Variants in DLGAP2 observed in about 807,000 individuals in gnomAD.
DLGAP2 encodes the protein disks large-associated protein 2.
In DLGAP2, 26 loss-of-function variants were observed where a neutral mutation model predicts 100.3. The ratio of observed to expected loss-of-function variants is 0.26; its 90% CI spans 0.19 to 0.36. The LOEUF (loss-of-function observed/expected upper bound fraction) is 0.36, where lower values mean the gene tolerates loss of function less well. Ranked by LOEUF, DLGAP2 falls within the 10% of genes least tolerant of loss-of-function variation. The pLI is 1.00. For synonymous variants in DLGAP2, 886 were observed against 630.1 expected (o/e 1.41, Z -6.08); for missense variants, 1,858 against 1,453.2 (o/e 1.28, Z -4.53).
intron 2 of DLGAP2, among the ~76,000 whole-genome samples, chr8:1,220,410 A>C (rs1018415794): frequency 1.3e-5 from 2 of 152,084 alleles, no homozygotes; most frequent in Admixed American, 6.5e-5. Context: ...ATATTGTATG[A>C]TTTTGAGCAA....
chr8:1,644,711 C>A (rs1798001341), intron 8 of DLGAP2, among the ~76,000 whole-genome samples: 1 of 152,092 alleles, frequency 6.6e-6, no homozygotes. Context: ...ACATTAGATG[C>A]CAAAATATCT....
At chr8:1,476,569 G>T (rs541903218) in intron 3 of DLGAP2, among the ~76,000 whole-genome samples, 1 of 152,274 alleles carries the variant, frequency 6.6e-6, no homozygotes, top group South Asian at 2.1e-4. Context: ...CAGTTCCCAG[G>T]GCAAATGTTA....
chr8:1,685,200 A>G, intron 12 of DLGAP2, among the ~76,000 whole-genome samples: 1 of 152,206 alleles, frequency 6.6e-6, no homozygotes, highest in East Asian at 1.9e-4. Flanking sequence ...AGCAGCTGAC[A>G]AAGAGCCCAG....
At chr8:1,533,491 G>A (rs1801055005) in intron 4 of DLGAP2, among the ~76,000 whole-genome samples, 1 of 151,528 alleles carries the variant, frequency 6.6e-6, no homozygotes, top group Non-Finnish European at 1.5e-5. Context: ...GGGCGAAAGA[G>A]TGAGACTCTG....
chr8:984,236 C>T (rs1675118949), intron 2 of DLGAP2, among the ~76,000 whole-genome samples: 1 of 152,204 alleles, frequency 6.6e-6, no homozygotes. Flanking sequence ...CACAGCACAG[C>T]TTTGTCAGCC....
chr8:1,077,439 A>G (rs1803657887), intron 2 of DLGAP2, among the ~76,000 whole-genome samples: 1 of 152,192 alleles, frequency 6.6e-6, no homozygotes, highest in African/African-American at 2.4e-5. Flanking sequence ...TCAGGGCCTC[A>G]GCTTCTAAAG....
intron 2 of DLGAP2, chr8:1,018,636 G>C (rs1801540471): frequency 6.6e-6 from 1 of 152,164 alleles, no homozygotes; most frequent in African/African-American, 2.4e-5. Context: ...TTACGTTGAG[G>C]TCTCCTACAT....
chr8:1,334,111 G>A (rs1405107093), intron 3 of DLGAP2, among the ~76,000 whole-genome samples: 3 of 152,268 alleles, frequency 2.0e-5, no homozygotes, highest in African/African-American at 7.2e-5. Context: ...ACTGGAAAGA[G>A]TGACACACAG....
At chr8:932,715 A>C (rs533519733) in intron 2 of DLGAP2, among the ~76,000 whole-genome samples, 2 of 152,364 alleles carry the variant, frequency 1.3e-5, no homozygotes, top group South Asian at 4.1e-4. Flanking sequence ...TCGTGAACAT[A>C]AAATGTCAGG....
chr8:1,023,857 ATGTGTGTGTGTGTGTG>A (rs149206104), intron 2 of DLGAP2, among the ~76,000 whole-genome samples: 115 of 128,942 alleles, frequency 8.9e-4, no homozygotes, highest in African/African-American at 2.8e-3. Context: ...AACTTTATAT[ATGTGTGTGTGTGTGTG>A]TGTGTGTGTG....
At chr8:1,319,730 C>T (rs1465040636) in intron 3 of DLGAP2, among the ~76,000 whole-genome samples, 2 of 152,094 alleles carry the variant, frequency 1.3e-5, no homozygotes, top group Non-Finnish European at 2.9e-5. Context: ...TGGGAAGAGG[C>T]AGGACATCAG....
intron 2 of DLGAP2, among the ~76,000 whole-genome samples, chr8:915,498 G>C (rs948497371): frequency 2.3e-4 from 35 of 151,730 alleles, no homozygotes; most frequent in Non-Finnish European, 4.4e-5. Context: ...AGTGAGCCGA[G>C]ATCGCACCAC....
intron 1 of DLGAP2, among the ~76,000 whole-genome samples, chr8:790,903 G>T (rs1175475860): frequency 6.6e-6 from 1 of 152,038 alleles, no homozygotes; most frequent in Admixed American, 6.6e-5. Flanking sequence ...ACGCCACCAT[G>T]CCTGACTAAT....
At chr8:1,443,736 G>C (rs972791034) in intron 3 of DLGAP2, among the ~76,000 whole-genome samples, 2 of 152,118 alleles carry the variant, frequency 1.3e-5, no homozygotes, top group Admixed American at 1.3e-4. Context: ...ACTACCATGA[G>C]AAGAGTATGG....
chr8:1,457,181 G>A (rs769045167), intron 3 of DLGAP2, among the ~76,000 whole-genome samples: 1 of 152,124 alleles, frequency 6.6e-6, no homozygotes, highest in Admixed American at 6.5e-5. Flanking sequence ...GGCCTTTTGT[G>A]TATTCGTTTT....
At chr8:1,645,479 T>G (rs1798019797) in intron 8 of DLGAP2, among the ~76,000 whole-genome samples, 1 of 152,196 alleles carries the variant, frequency 6.6e-6, no homozygotes, top group African/African-American at 2.4e-5. Context: ...CTTACGATGT[T>G]TTTAGTGTAT....
chr8:1,083,856 T>C (rs1402689196), intron 2 of DLGAP2, among the ~76,000 whole-genome samples: 1 of 152,224 alleles, frequency 6.6e-6, no homozygotes, highest in Non-Finnish European at 1.5e-5. Context: ...TTTCTTAATA[T>C]AGAAAGTGAC....
intron 3 of DLGAP2, among the ~76,000 whole-genome samples, chr8:1,291,107 A>T (rs1659468503): frequency 6.6e-6 from 1 of 152,202 alleles, no homozygotes. Context: ...TAATAACATC[A>T]TGAAGAAAAC....
intron 2 of DLGAP2, among the ~76,000 whole-genome samples, chr8:936,742 G>C (rs570866136): frequency 3.6e-4 from 55 of 152,292 alleles, no homozygotes; most frequent in African/African-American, 1.3e-3. Context: ...ACAGCATGGA[G>C]GTGGCAGGGA....
Sources: allele counts gnomAD v4.1 joint callset (sites outside exome capture counted in the v4.1 genomes callset), GRCh38; gene constraint gnomAD v4.1.1; transcripts MANE v1.5; gene names NCBI Gene and HGNC (gene_info 2026-07-23, HGNC 2026-07-21).